DAP3: variants seen among roughly 807,000 people sequenced by gnomAD.
DAP3 encodes the protein death associated protein 3, also known as small ribosomal subunit protein mS29.
DAP3 carries 28 observed loss-of-function variants against 51.9 expected under a neutral mutation model. The observed-to-expected ratio is 0.54, with a 90% confidence interval of 0.40 to 0.74. DAP3 has a LOEUF of 0.74. Among genes scored for constraint, DAP3 ranks in the 30% least tolerant of loss-of-function variants. The pLI, the probability that DAP3 is intolerant of heterozygous loss-of-function variation, is 0.00. For synonymous variants in DAP3, 170 were observed against 170.3 expected, an observed-to-expected ratio of 1.00 and a Z score of 0.01; for missense variants, 458 against 483.5, an observed-to-expected ratio of 0.95 and a Z score of 0.49.
At chr1:155,737,473 C>T (rs1659925415) in intron 12 of DAP3, among the ~76,000 whole-genome samples, 1 of 152,192 alleles carries the variant, frequency 6.6e-6, no homozygotes, top group South Asian at 2.1e-4. Flanking sequence ...CACACCTGTC[C>T]TAGTATATGT....
chr1:155,709,612 G>A (rs2149145137), intron 1 of DAP3, among the ~76,000 whole-genome samples, 161 bp from the exon 2 acceptor site: 1 of 152,044 alleles, frequency 6.6e-6, no homozygotes, highest in Non-Finnish European at 1.5e-5. Context: ...GCCTGTTCAT[G>A]CCTTTTGCTC....
intron 2 of DAP3, among the ~76,000 whole-genome samples, chr1:155,712,060 C>T (rs1283318210): frequency 6.6e-6 from 1 of 151,766 alleles, no homozygotes; most frequent in Non-Finnish European, 1.5e-5. Context: ...AGTCCACTGA[C>T]TCAAATGTTA....
At chr1:155,705,875 T>A (rs1173339782) in intron 1 of DAP3, among the ~76,000 whole-genome samples, 1 of 151,994 alleles carries the variant, frequency 6.6e-6, no homozygotes, top group African/African-American at 2.4e-5. Context: ...TTATTTTTTA[T>A]ATTTTAGTAG....
chr1:155,693,759 C>T (rs1396331170), intron 1 of DAP3, among the ~76,000 whole-genome samples: 1 of 141,446 alleles, frequency 7.1e-6, no homozygotes, highest in Admixed American at 6.6e-5. Context: ...GTCGGGAGTT[C>T]GAGACCAGTC....
In DAP3 at chr1:155,708,545, T is replaced by TG. The variant is rs1460869667; in HGVS notation, c.-7-1228_-7-1227insG. Among the ~76,000 whole-genome samples, 73 of 142,868 alleles carry TG rather than the reference T, an allele frequency of 5.1e-4. 2 individuals are homozygous for TG. In the South Asian group the frequency reaches 0.015, roughly 30 times the overall value. The allele number at this position is 142,868 out of a possible 152,430, so 93.7% of individuals were successfully genotyped here. ...AATTTTCTTTTTCTGTTTTTGTTTT[T>TG]TTTTTTTTTTTTTTGAGACAGAGTC... On this transcript the variant is annotated intron_variant, in intron 1 of 12. Coordinates refer to ENST00000368336, the MANE Select transcript of DAP3 (RefSeq NM_004632.4).
intron 2 of DAP3, among the ~76,000 whole-genome samples, chr1:155,713,282 G>A (rs1308575917): frequency 2.0e-5 from 3 of 152,236 alleles, no homozygotes; most frequent in African/African-American, 7.2e-5. Context: ...AAGGGAGGCT[G>A]AGAAGTGTAG....
intron 1 of DAP3, among the ~76,000 whole-genome samples, chr1:155,707,546 G>A (rs956900643): frequency 1.3e-5 from 2 of 152,020 alleles, no homozygotes; most frequent in African/African-American, 4.8e-5. Flanking sequence ...AAAGATTCGG[G>A]CTTTTAAATT....
intron 1 of DAP3, among the ~76,000 whole-genome samples, chr1:155,704,070 C>T (rs1471998787): frequency 6.6e-6 from 1 of 152,074 alleles, no homozygotes; most frequent in Non-Finnish European, 1.5e-5. Context: ...TTACTTGATC[C>T]TAGGAGTTAG....
chr1:155,699,210 T>C (rs928899860), intron 1 of DAP3, among the ~76,000 whole-genome samples: 3 of 152,218 alleles, frequency 2.0e-5, no homozygotes, highest in African/African-American at 7.2e-5. Context: ...CAGTACGTCA[T>C]ACACGTAATG....
At chr1:155,736,718 CCT>C (rs1020371999) in intron 11 of DAP3, 4 of 501,674 alleles carry the variant, frequency 8.0e-6, no homozygotes, top group African/African-American at 7.8e-5. Context: ...TGCCCAGCCA[CCT>C]CTTTTTAATA....
chr1:155,698,866 C>T (rs992618839), intron 1 of DAP3, among the ~76,000 whole-genome samples: 3 of 152,182 alleles, frequency 2.0e-5, no homozygotes, highest in Non-Finnish European at 4.4e-5. Context: ...CGCTCACCTG[C>T]GGAGCTTAAA....
At chr1:155,699,706 C>T (rs1654945181) in intron 1 of DAP3, among the ~76,000 whole-genome samples, 2 of 149,688 alleles carry the variant, frequency 1.3e-5, no homozygotes, top group Non-Finnish European at 3.0e-5. Flanking sequence ...CTCAAGCTCC[C>T]AGGCCCAGGT....
At position 155,725,377 on chromosome 1, in the gene DAP3, A is replaced by G. The variant is rs780480654; in HGVS notation, c.271-5A>G. 1.5e-5 allele frequency: 24 copies of G among 1,613,386 alleles called. No homozygotes were observed. The highest frequency in any genetic ancestry group is 1.8e-5 in the Non-Finnish European group (21 of 1,179,666). On this transcript the variant is annotated splice_polypyrimidine_tract_variant and splice_region_variant and intron_variant, in intron 4 of 12. Transcript: ENST00000368336. ...CCACTCTTTCCTTCTTTCCTACTTT[A>G]TCAGGTGAAGACATTCAGTGAAGCT...
At chr1:155,729,853 C>T (rs994870431) in intron 9 of DAP3, among the ~76,000 whole-genome samples, 43 of 151,958 alleles carry the variant, frequency 2.8e-4, no homozygotes, top group African/African-American at 9.6e-4. Flanking sequence ...GAGGCTGAGG[C>T]GGGCGGATCA....
intron 1 of DAP3, chr1:155,689,638 G>A (rs903196035): frequency 5.6e-6 from 2 of 354,058 alleles, no homozygotes; most frequent in African/African-American, 2.1e-5. Flanking sequence ...ATAGGGCTGG[G>A]CGCGGTGGCT....
In DAP3 at chr1:155,696,787, T is replaced by C. The variant is rs796619315; in HGVS notation, c.-8+7613T>C. Among the ~76,000 whole-genome samples, 4 of 152,380 alleles carry C rather than the reference T, an allele frequency of 2.6e-5. No individual in the cohort carries two copies. In the South Asian group the frequency reaches 6.2e-4, roughly 24 times the overall value. ...ACCTTGGGGTAAAACCTTCCAATGA[T>C]ATCTGGCTGCAGGTTCTTTGTTATT... On this transcript the variant is annotated intron_variant, in intron 1 of 12. Coordinates refer to ENST00000368336, the MANE Select transcript of DAP3 (RefSeq NM_004632.4).
At chr1:155,703,145 AAATG>A (rs1176889290) in intron 1 of DAP3, among the ~76,000 whole-genome samples, 2 of 152,202 alleles carry the variant, frequency 1.3e-5, no homozygotes, top group Non-Finnish European at 2.9e-5. Flanking sequence ...TTGCATTTCC[AAATG>A]AATTTTGAGA....
At chr1:155,721,425 GACAT>G in intron 3 of DAP3, 88 bp from the exon 4 acceptor site, 1 of 763,306 alleles carries the variant, frequency 1.3e-6, no homozygotes, top group South Asian at 2.0e-5. Context: ...TATACACATA[GACAT>G]ACATATATAC....
chr1:155,736,961 C>G lies in DAP3; in HGVS notation c.1009C>G (p.Leu337Val), dbSNP rs758012904. The G allele has an allele frequency of 7.4e-6, 12 of 1,613,748 alleles. No individual in the cohort carries two copies. The highest frequency in any genetic ancestry group is 1.0e-5 in the Non-Finnish European group (12 of 1,179,700). Residue 337 changes from leucine (L) to valine (V), a missense_variant, in exon 12 of 13, where the codon CTG (leucine) becomes GTG (valine). Physicochemically the swap from Leu to Val is conservative, Grantham distance 32 (BLOSUM62 1). Coordinates refer to ENST00000368336, the MANE Select transcript of DAP3 (RefSeq NM_004632.4). ...ELLGKEGFDA[L>V]DPFIPILVSN... ...TCTTCCCCAGGAAGGATTTGATGCC[C>G]TGGATCCCTTTATTCCCATCCTGGT...
Sources: allele counts gnomAD v4.1 joint callset (sites outside exome capture counted in the v4.1 genomes callset), GRCh38; gene constraint gnomAD v4.1.1; transcripts MANE v1.5; gene names NCBI Gene and HGNC (gene_info 2026-07-23, HGNC 2026-07-21).